Variants in ESYT2 observed in about 807,000 individuals in gnomAD.
The protein encoded by ESYT2 is extended synaptotagmin-2.
ESYT2 carries 54 observed loss-of-function variants against 107.2 expected under a neutral mutation model. The observed-to-expected ratio is 0.50, with a 90% CI of 0.40 to 0.63. The LOEUF (loss-of-function observed/expected upper bound fraction) is 0.63. ESYT2 is among the 30% of genes least tolerant of loss of function. The pLI is 0.00. For missense variants in ESYT2, 1,020 were observed against 1,094.5 expected (o/e 0.93, Z 0.96); for synonymous variants, 491 against 434.1 (o/e 1.13, Z -1.63).
In ESYT2 at chr7:158,739,124, G is replaced by A. The variant is rs760943476; in HGVS notation, c.2169-3C>T. The A allele has an allele frequency of 1.4e-4, 227 of 1,613,824 alleles. No homozygotes were observed. The highest frequency in any genetic ancestry group is 7.0e-4 in the Admixed American group (42 of 59,994). Reference sequence around the variant, plus strand: ...GAGACTGTCCCAGGGTCGTCCCGCTGTGGGAAAAGAGCAGAAAGTCACCAG... The same window carrying A: ...GAGACTGTCCCAGGGTCGTCCCGCTATGGGAAAAGAGCAGAAAGTCACCAG... On this transcript the variant is annotated splice_region_variant and splice_polypyrimidine_tract_variant and intron_variant, in intron 18 of 22. Coordinates refer to ENST00000275418, the MANE Select transcript of ESYT2 (RefSeq NM_001367773.1).
chr7:158,753,997 G>C (rs993862952), intron 13 of ESYT2, among the ~76,000 whole-genome samples: 3 of 152,086 alleles, frequency 2.0e-5, no homozygotes, highest in Admixed American at 6.5e-5. Flanking sequence ...CAAGGAGAGA[G>C]GCTGCGGTGT....
At position 158,829,315 on chromosome 7, in the gene ESYT2, C is replaced by T; in HGVS notation, c.104G>A (p.Gly35Glu). 1 of 1,498,792 alleles carries T rather than the reference C, an allele frequency of 6.7e-7. No homozygotes were observed. The highest frequency in any genetic ancestry group is 8.8e-7 in the Non-Finnish European group (1 of 1,132,416). The allele number at this position is 1,498,792 out of a possible 1,614,324, so 92.8% of individuals were successfully genotyped here. ...GCTCCGCGCCAGCTGCGCCAGCAGC[C>T]CGGGCAGCTCCACGCTCAGCACGCC... Reference protein sequence around the residue: ...PGGVLSVELPGLLAQLARSFA... With the variant: ...PGGVLSVELPELLAQLARSFA... The change falls in exon 1 of 23, where the codon GGG (glycine) becomes GAG (glutamate). Residue 35 changes from glycine to glutamate, a missense_variant. By Grantham distance (98) the Gly-to-Glu change is moderately conservative. Transcript: ENST00000275418.
Position 158,747,937 on chromosome 7 carries a change from T to C in ESYT2, c.1644+257A>G, listed in dbSNP as rs112745919. 5.1e-3 allele frequency among the ~76,000 whole-genome samples: 779 copies of C among 152,288 alleles called. 4 individuals carry two copies. The highest frequency in any genetic ancestry group is 0.018 in the African/African-American group (746 of 41,554). On this transcript the variant is annotated intron_variant, in intron 16 of 22. Coordinates refer to ENST00000275418, the MANE Select transcript of ESYT2 (RefSeq NM_001367773.1). The stretch of plus-strand genomic sequence containing the variant: ...TCAGAATAATTATCACCAGAGAATA[T>C]AGACAACTAGAGGACATACCGCATA...
rs1363099623 is a variant in ESYT2 at position 158,761,501 on chromosome 7, C to T, written c.1228G>A (p.Asp410Asn). 1.2e-6 allele frequency: 2 copies of T among 1,613,964 alleles called. No homozygotes were observed. The highest frequency in any genetic ancestry group is 3.3e-5 in the Admixed American group (2 of 59,988). The change falls in exon 11 of 23, where the codon GAT (aspartate) becomes AAT (asparagine). Residue 410 changes from aspartate to asparagine, a missense_variant. Coordinates refer to ENST00000275418, the MANE Select transcript of ESYT2 (RefSeq NM_001367773.1). Reference protein sequence around the residue: ...LIEVEKERLLDEWFTLDEVPK... With the variant: ...LIEVEKERLLNEWFTLDEVPK... The stretch of plus-strand genomic sequence containing the variant: ...CACACTCCAGGGAAACTTACTTCAT[C>T]TAAAAGGCGCTCCTTTTCAACTTCA...
At chr7:158,771,751 C>A (rs919686113) in intron 7 of ESYT2, among the ~76,000 whole-genome samples, 1 of 152,202 alleles carries the variant, frequency 6.6e-6, no homozygotes, top group Admixed American at 6.5e-5. Context: ...GTCCCATGCA[C>A]GAGCGGCTGC....
In ESYT2 at chr7:158,811,823, C is replaced by T. The variant is rs572641967; in HGVS notation, c.331-12751G>A. 2.0e-5 allele frequency among the ~76,000 whole-genome samples: 3 copies of T among 152,304 alleles called. No homozygotes were observed. In the South Asian group the frequency reaches 6.2e-4, roughly 32 times the overall value. ...CTGGAGTCTGGGTCAGCTAAACAAC[C>T]AGAATCTGAGGGGCCAAGATCCCTG... On this transcript the variant is annotated intron_variant, in intron 1 of 22. Coordinates refer to ENST00000275418, the MANE Select transcript of ESYT2 (RefSeq NM_001367773.1).
At position 158,767,767 on chromosome 7, in the gene ESYT2, A is replaced by T. The variant is rs1217071275; in HGVS notation, c.811T>A (p.Ser271Thr). 1 of 1,611,324 alleles carries T rather than the reference A, an allele frequency of 6.2e-7. No individual in the cohort carries two copies. The highest frequency in any genetic ancestry group is 1.3e-5 in the African/African-American group (1 of 74,874). Reference sequence around the variant, plus strand: ...ATTATATCCAAAATGATAGTATCTGATAAACCACTGTTAGTTGGGAGACAA... The same window carrying T: ...ATTATATCCAAAATGATAGTATCTGTTAAACCACTGTTAGTTGGGAGACAA... ...LLDVPGLNGL[S>T]DTIILDIISN... The change falls in exon 8 of 23, where the codon TCA (serine) becomes ACA (threonine). Residue 271 changes from serine (S) to threonine (T), a missense_variant. Ser to Thr is a moderately conservative substitution (Grantham distance 58). Coordinates refer to ENST00000275418, the MANE Select transcript of ESYT2 (RefSeq NM_001367773.1).
At chr7:158,742,719 G>A (rs533073244) in intron 17 of ESYT2, among the ~76,000 whole-genome samples, 3 of 152,200 alleles carry the variant, frequency 2.0e-5, no homozygotes, top group South Asian at 2.1e-4. Context: ...CTCCACTCAC[G>A]TGACAGCTTA....
chr7:158,750,238 G>A (rs1479372599), intron 14 of ESYT2, among the ~76,000 whole-genome samples: 2 of 151,998 alleles, frequency 1.3e-5, no homozygotes, highest in Non-Finnish European at 2.9e-5. Context: ...CTTACCAGCT[G>A]CTAAATAATT....
chr7:158,800,054 AT>A (rs34029280), intron 1 of ESYT2, among the ~76,000 whole-genome samples: 36 of 145,302 alleles, frequency 2.5e-4, no homozygotes, highest in African/African-American at 5.6e-4. Flanking sequence ...TGGCCTCTTA[AT>A]TTTTTTTTTT....
chr7:158,777,692 T>A (rs2129472732), intron 6 of ESYT2, among the ~76,000 whole-genome samples: 1 of 152,302 alleles, frequency 6.6e-6, no homozygotes, highest in East Asian at 1.9e-4. Context: ...AGTATCTTTA[T>A]AACCCCCCTT....
intron 6 of ESYT2, among the ~76,000 whole-genome samples, chr7:158,786,513 G>A (rs925957521): frequency 1.4e-4 from 21 of 152,182 alleles, no homozygotes; most frequent in African/African-American, 4.6e-4. Context: ...TGACAGAGAT[G>A]ACCTAGGAGT....
intron 1 of ESYT2, among the ~76,000 whole-genome samples, chr7:158,806,549 G>C (rs1270145292): frequency 6.6e-6 from 1 of 152,158 alleles, no homozygotes; most frequent in Non-Finnish European, 1.5e-5. Context: ...TTCTACTCAG[G>C]AGAACAGGGT....
At chr7:158,788,495 A>T in intron 4 of ESYT2, 78 bp from the exon 5 acceptor site, 1 of 1,227,860 alleles carries the variant, frequency 8.1e-7, no homozygotes, top group Non-Finnish European at 1.1e-6. Context: ...CAAGATGTAT[A>T]ATCTGAATAA....
chr7:158,798,841 G>A (rs1012583527), intron 2 of ESYT2, among the ~76,000 whole-genome samples, 190 bp downstream of exon 2: 1 of 152,118 alleles, frequency 6.6e-6, no homozygotes, highest in African/African-American at 2.4e-5. Flanking sequence ...AAGTCAAAGA[G>A]ACAGTTCTCA....
chr7:158,810,777 G>A (rs1437057753), intron 1 of ESYT2, among the ~76,000 whole-genome samples: 3 of 152,074 alleles, frequency 2.0e-5, no homozygotes, highest in Non-Finnish European at 2.9e-5. Flanking sequence ...GAGACAAAGC[G>A]AATTACTGGG....
chr7:158,798,674 A>AAAAAAAAAAAT (rs71200063), intron 2 of ESYT2, among the ~76,000 whole-genome samples: 1 of 139,146 alleles, frequency 7.2e-6, no homozygotes, highest in Non-Finnish European at 1.6e-5. Flanking sequence ...AAAAAAAAAA[A>AAAAAAAAAAAT]GACTGTTATT....
chr7:158,759,157 T>C (rs1217162519), intron 13 of ESYT2, among the ~76,000 whole-genome samples: 2 of 152,224 alleles, frequency 1.3e-5, no homozygotes, highest in Non-Finnish European at 2.9e-5. Context: ...TTTATTCCCA[T>C]TCCAAAGAGA....
intron 14 of ESYT2, among the ~76,000 whole-genome samples, chr7:158,750,705 AT>A (rs1387197884): frequency 2.0e-5 from 3 of 152,120 alleles, no homozygotes; most frequent in African/African-American, 7.2e-5. Context: ...GAGAATACTA[AT>A]TTCCCCCCTA....
Sources: gnomAD v4.1 joint callset for allele counts (sites outside exome capture counted in the v4.1 genomes callset) on GRCh38, gnomAD v4.1.1 for gene constraint, MANE v1.5 for transcripts, NCBI Gene and HGNC (gene_info 2026-07-23, HGNC 2026-07-21) for gene names.